Variants in PIGT observed in about 807,000 individuals in gnomAD.
The protein encoded by PIGT is phosphatidylinositol glycan anchor biosynthesis class T.
A neutral mutation model predicts 66.7 loss-of-function variants in PIGT; 57 were observed. The ratio of observed to expected loss-of-function variants is 0.86; its 90% CI spans 0.69 to 1.07. PIGT has a LOEUF of 1.07. PIGT is among the 50% of genes least tolerant of loss of function. The probability of loss-of-function intolerance (pLI) is 0.00; values close to 1 mark genes in which losing one functional copy is unlikely to be tolerated. For synonymous variants in PIGT, 362 were observed against 320.5 expected (o/e 1.13, Z -1.38); for missense variants, 725 against 740.4 (o/e 0.98, Z 0.24).
At chr20:45,422,030 A>T (rs1158754590) in intron 9 of PIGT, 2 of 151,918 alleles carry the variant, frequency 1.3e-5, no homozygotes, top group African/African-American at 4.8e-5. Flanking sequence ...TTTTATTTCT[A>T]TTTTTATTAA....
intron 9 of PIGT, 36 bp downstream of exon 9, chr20:45,421,619 G>A (rs201261933): frequency 3.7e-5 from 58 of 1,560,970 alleles, no homozygotes; most frequent in Middle Eastern, 1.7e-4. Flanking sequence ...CCCCCAGCCC[G>A]CCCTCTCATG....
intron 11 of PIGT, chr20:45,424,950 C>T: frequency 3.7e-6 from 1 of 268,072 alleles, no homozygotes; most frequent in South Asian, 4.7e-5. Context: ...AGATTCTGGT[C>T]TAGAGAGTAA....
At chr20:45,417,451 T>C (rs752631569) in intron 2 of PIGT, 1 of 152,172 alleles carries the variant, frequency 6.6e-6, no homozygotes, top group Non-Finnish European at 1.5e-5. Flanking sequence ...TATGGATTGT[T>C]GCCATGTGGG....
intron 1 of PIGT, 55 bp downstream of exon 1, chr20:45,416,398 C>G (rs2145432317): frequency 6.5e-7 from 1 of 1,549,092 alleles, no homozygotes; most frequent in Non-Finnish European, 8.7e-7. Context: ...GCTGGCTGGC[C>G]GGCCGTGGGA....
rs752874517 is a variant in PIGT, at chr20:45,425,779, C to A, written c.1690C>A (p.Arg564=). ...EEPRTGGLAK[R]LANLIRRARG... is the part of the protein sequence containing the mutation. ...GCCCCGCACAGGTGGCCTGGCCAAG[C>A]GGCTGGCCAACCTTATCCGGCGCGC... The change falls in exon 12 of 12, where the codon CGG becomes AGG. Residue 564 remains arginine, a synonymous_variant. Coordinates refer to ENST00000279036, the MANE Select transcript of PIGT (RefSeq NM_015937.6). 1 of 1,613,978 alleles carries A rather than the reference C, an allele frequency of 6.2e-7. No homozygotes were observed. Among genetic ancestry groups the A allele is most frequent in the Non-Finnish European group, 8.5e-7 (1 of 1,179,918 alleles).
Position 45,419,530 on chromosome 20 carries a change from A to G in PIGT, c.621A>G (p.Ala207=), listed in dbSNP as rs1181934744. 6 of 1,614,198 alleles carry G rather than the reference A, an allele frequency of 3.7e-6. No individual in the cohort carries two copies. Among genetic ancestry groups the G allele is most frequent in the East Asian group, 2.2e-5 (1 of 44,886 alleles). ...SKAGLSVLLK[A]DRLFHTSYHS... ...CAGGCCTCTCTGTGCTGCTGAAGGC[A>G]GATCGCTTGTTCCACACCAGCTACC... The change falls in exon 5 of 12, where the codon GCA becomes GCG. Residue 207 remains alanine (A), a synonymous_variant. Coordinates refer to ENST00000279036, the MANE Select transcript of PIGT (RefSeq NM_015937.6).
chr20:45,421,319 C>A, intron 8 of PIGT, 64 bp from the exon 9 acceptor site: 1 of 1,401,938 alleles, frequency 7.1e-7, no homozygotes, highest in Non-Finnish European at 9.8e-7. Context: ...ATGGCCTGGG[C>A]AGGTGGGGTG....
At position 45,425,807 on chromosome 20, in the gene PIGT, G is replaced by A. The variant is rs759355652; in HGVS notation, c.1718G>A (p.Arg573Gln). ...KRLANLIRRA[R>Q]GVPPL ...CTGGCCAACCTTATCCGGCGCGCCC[G>A]AGGTGTCCCCCCACTCTGATTCTTG... The change falls in exon 12 of 12, where the codon CGA becomes CAA. Residue 573 changes from arginine (R) to glutamine (Q), a missense_variant. Arg to Gln is a conservative substitution (Grantham distance 43, BLOSUM62 1). Coordinates refer to ENST00000279036, the MANE Select transcript of PIGT (RefSeq NM_015937.6). 17 of 1,613,760 alleles carry A rather than the reference G, an allele frequency of 1.1e-5. No homozygotes were observed. The highest frequency in any genetic ancestry group is 1.4e-5 in the Non-Finnish European group (16 of 1,179,858).
At chr20:45,420,257 C>A in intron 6 of PIGT, 34 bp downstream of exon 6, 1 of 1,596,140 alleles carries the variant, frequency 6.3e-7, no homozygotes. Context: ...TGTACCCACC[C>A]ATGCCAGCCC....
At position 45,420,143 on chromosome 20, in the gene PIGT, G is replaced by A. The variant is rs139991610; in HGVS notation, c.689G>A (p.Arg230His). ...ATCTGGCCCTTGTGATAGAATGCAC[G>A]CTGTACTAGCATCTCCTGGGAGCTG... ...VHIRPVCRNA[R>H]CTSISWELRQ... Residue 230 changes from arginine (R) to histidine (H), a missense_variant, in exon 6 of 12, where the codon CGC becomes CAC. Coordinates refer to ENST00000279036, the MANE Select transcript of PIGT (RefSeq NM_015937.6). 1.1e-4 allele frequency: 177 copies of A among 1,610,742 alleles called. No individual in the cohort carries two copies. The highest frequency in any genetic ancestry group is 1.4e-4 in the Non-Finnish European group (161 of 1,178,328).
rs774183841 is a variant in PIGT at position 45,425,806 on chromosome 20, C to G, written c.1717C>G (p.Arg573Gly). The change falls in exon 12 of 12, where the codon CGA becomes GGA. Residue 573 changes from arginine to glycine, a missense_variant. Physicochemically the swap from Arg to Gly is moderately radical, Grantham distance 125. Transcript: ENST00000279036. Reference protein sequence around the residue: ...KRLANLIRRARGVPPL With the variant: ...KRLANLIRRAGGVPPL ...GCTGGCCAACCTTATCCGGCGCGCCCGAGGTGTCCCCCCACTCTGATTCTT... is the reference window on the plus strand; with the variant it reads ...GCTGGCCAACCTTATCCGGCGCGCCGGAGGTGTCCCCCCACTCTGATTCTT... 1.2e-6 allele frequency: 2 copies of G among 1,613,616 alleles called. No homozygotes were observed. Among genetic ancestry groups the G allele is most frequent in the African/African-American group, 1.3e-5 (1 of 74,932 alleles).
chr20:45,425,622 G>A lies in PIGT; in HGVS notation c.1533G>A (p.Glu511=). Residue 511 remains glutamate, a synonymous_variant, in exon 12 of 12, where the codon GAG becomes GAA. Coordinates refer to ENST00000279036, the MANE Select transcript of PIGT (RefSeq NM_015937.6). ...ACTACTTTGTGCGGCTCTACACGGAGCCGCTGCTGGTGAACCTGCCGACAC... is the reference window on the plus strand; with the variant it reads ...ACTACTTTGTGCGGCTCTACACGGAACCGCTGCTGGTGAACCTGCCGACAC... ...GSNYFVRLYT[E]PLLVNLPTPD... The A allele has an allele frequency of 6.2e-7, 1 of 1,614,008 alleles. No individual in the cohort carries two copies. Among genetic ancestry groups the A allele is most frequent in the Non-Finnish European group, 8.5e-7 (1 of 1,179,982 alleles).
chr20:45,416,161 C>A lies in PIGT; in HGVS notation c.5C>A (p.Ala2Glu). Residue 2 changes from alanine to glutamate, a missense_variant, in exon 1 of 12, where the codon GCG (alanine) becomes GAG (glutamate). Around this residue, in one of 3 missense-constraint regions of PIGT, gnomAD observed 559 missense variants for 552.7 expected, o/e 1.01. Coordinates refer to ENST00000279036, the MANE Select transcript of PIGT (RefSeq NM_015937.6). ...TAGGCGGAAGTAGCCGCAGGCATGGCGGCGGCTATGCCGCTTGCTCTGCTC... is the reference window on the plus strand; with the variant it reads ...TAGGCGGAAGTAGCCGCAGGCATGGAGGCGGCTATGCCGCTTGCTCTGCTC... M[A>E]AAMPLALLVL... 1 of 1,560,150 alleles carries A rather than the reference C, an allele frequency of 6.4e-7. No homozygotes were observed. Among genetic ancestry groups the A allele is most frequent in the Non-Finnish European group, 8.7e-7 (1 of 1,154,522 alleles).
intron 11 of PIGT, 54 bp downstream of exon 11, chr20:45,424,633 A>C (rs1600823975): frequency 7.0e-7 from 1 of 1,421,542 alleles, no homozygotes; most frequent in South Asian, 1.1e-5. Context: ...GCTGGGCCTT[A>C]ACACAGGTGA....
chr20:45,417,684 A>G (rs1189262133), intron 2 of PIGT: 1 of 152,200 alleles, frequency 6.6e-6, no homozygotes, highest in African/African-American at 2.4e-5. Flanking sequence ...GGCAAATTCA[A>G]ATATCAGCAA....
At chr20:45,420,866 C>T in intron 8 of PIGT, 173 bp downstream of exon 8, 1 of 643,468 alleles carries the variant, frequency 1.6e-6, no homozygotes, top group South Asian at 2.0e-5. Flanking sequence ...TTCCTAAACT[C>T]CCCAAGCTTC....
intron 11 of PIGT, 49 bp downstream of exon 11, chr20:45,424,628 G>C: frequency 6.7e-7 from 1 of 1,485,740 alleles, no homozygotes; most frequent in Non-Finnish European, 9.4e-7. Flanking sequence ...TGCCTGCTGG[G>C]CCTTAACACA....
At chr20:45,421,295 T>G (rs1038877689) in intron 8 of PIGT, 88 bp from the exon 9 acceptor site, 2 of 1,176,050 alleles carry the variant, frequency 1.7e-6, no homozygotes, top group African/African-American at 3.0e-5. Flanking sequence ...ACTCACTGGC[T>G]TGGGACTCTG....
chr20:45,416,539 C>T lies in PIGT; in HGVS notation c.210C>T (p.Pro70=). The change falls in exon 2 of 12, where the codon CCC becomes CCT. Residue 70 remains proline, a synonymous_variant. Transcript: ENST00000279036. ...REGVSHYRLF[P]KALGQLISKY... ...CAGTGTCCCATTACAGGCTCTTTCC[C>T]AAAGCCCTGGGGCAGCTGATCTCCA... 6.2e-7 allele frequency: 1 copy of T among 1,614,130 alleles called. No homozygotes were observed. The highest frequency in any genetic ancestry group is 8.5e-7 in the Non-Finnish European group (1 of 1,179,996).
Sources: gnomAD v4.1 joint callset for allele counts on GRCh38, gnomAD v4.1.1 for gene constraint, gnomAD v4.1.1 regional missense constraint, MANE v1.5 for transcripts, NCBI Gene and HGNC (gene_info 2026-07-23, HGNC 2026-07-21) for gene names.